Variants in NOL8 observed in about 807,000 individuals in gnomAD.
NOL8 encodes nucleolar protein 8, also known as nucleolar protein Nop132.
Under a neutral mutation model 116.1 loss-of-function variants are expected in NOL8, and 93 were observed. That is an observed-to-expected ratio of 0.80 (90% CI 0.68 to 0.95). The LOEUF (loss-of-function observed/expected upper bound fraction) is 0.95, where lower values mean the gene tolerates loss of function less well. NOL8 is among the 40% of genes least tolerant of loss of function. NOL8 has a pLI of 0.00. For synonymous variants in NOL8, 419 were observed against 469.0 expected (o/e 0.89, Z 1.38); for missense variants, 1,291 against 1,382.8 (o/e 0.93, Z 1.05).
At chr9:92,317,020 G>A (rs887367829) in intron 6 of NOL8, among the ~76,000 whole-genome samples, 4 of 152,134 alleles carry the variant, frequency 2.6e-5, no homozygotes, top group Non-Finnish European at 4.4e-5. Flanking sequence ...CGGCATGATC[G>A]TGGCTCAATA....
chr9:92,305,868 A>G, intron 11 of NOL8, 38 bp from the exon 12 acceptor site: 3 of 1,377,860 alleles, frequency 2.2e-6, no homozygotes, highest in Non-Finnish European at 3.1e-6. Flanking sequence ...AAGAGATAAA[A>G]ACAGAACACT....
At position 92,315,051 on chromosome 9, in the gene NOL8, C is replaced by G. The variant is rs535612292; in HGVS notation, c.1574G>C (p.Ser525Thr). 8 of 1,614,030 alleles carry G rather than the reference C, an allele frequency of 5.0e-6. No individual in the cohort carries two copies. The East Asian group carries it at 1.6e-4, about 31-fold the overall frequency. Residue 525 changes from serine to threonine, a missense_variant, in exon 7 of 17, where the codon AGC becomes ACC. Coordinates refer to ENST00000442668, the MANE Select transcript of NOL8 (RefSeq NM_017948.6). ...GCGGAGGCCAGTGGGAGTCTTGGGG[C>G]TCTTGGAGCCTCTGTCAAACTTGCA... ...TQCKFDRGSKSPKTPTGLRRG... is the reference protein window; with the variant it reads ...TQCKFDRGSKTPKTPTGLRRG...
chr9:92,310,522 G>T (rs369823649), intron 9 of NOL8, 31 bp downstream of exon 9: 2 of 1,573,740 alleles, frequency 1.3e-6, no homozygotes, highest in Non-Finnish European at 1.7e-6. Flanking sequence ...AGGACATGCT[G>T]CAAGTCTAAT....
chr9:92,297,866 T>C lies in NOL8; in HGVS notation c.3474A>G (p.Lys1158=). 1.3e-6 allele frequency: 2 copies of C among 1,547,916 alleles called. No homozygotes were observed. The highest frequency in any genetic ancestry group is 1.7e-6 in the Non-Finnish European group (2 of 1,145,732). ...NLRMDCRKKH[K]DAKRKMKPK ...TTGGTTTCATTTTCCTTTTTGCGTCTTTATGTTTCTTTCGACAATCCTAGG... is the reference window on the plus strand; with the variant it reads ...TTGGTTTCATTTTCCTTTTTGCGTCCTTATGTTTCTTTCGACAATCCTAGG... The change falls in exon 17 of 17, where the codon AAA becomes AAG. Residue 1158 remains lysine (K), a synonymous_variant. Transcript: ENST00000442668.
At chr9:92,324,421 A>T (rs1840256497) in intron 1 of NOL8, 2 of 393,030 alleles carry the variant, frequency 5.1e-6, no homozygotes, top group African/African-American at 4.0e-5. Context: ...ATACCCATAT[A>T]GACACAGGTA....
chr9:92,315,651 G>A lies in NOL8; in HGVS notation c.974C>T (p.Ser325Leu). Residue 325 changes from serine to leucine, a missense_variant, in exon 7 of 17, where the codon TCA becomes TTA. By Grantham distance (145) the Ser-to-Leu change is moderately radical. Coordinates refer to ENST00000442668, the MANE Select transcript of NOL8 (RefSeq NM_017948.6). ...AGGATCACTTTCAGATTCATTTATTGAGGGTTGTGTAGTTCTCTGTAAGTT... is the reference window on the plus strand; with the variant it reads ...AGGATCACTTTCAGATTCATTTATTAAGGGTTGTGTAGTTCTCTGTAAGTT... ...EENLQRTTQPSINESESDPFE... is the reference protein window; with the variant it reads ...EENLQRTTQPLINESESDPFE... 1 of 1,612,986 alleles carries A rather than the reference G, an allele frequency of 6.2e-7. No individual in the cohort carries two copies. Among genetic ancestry groups the A allele is most frequent in the Non-Finnish European group, 8.5e-7 (1 of 1,179,430 alleles).
At position 92,321,584 on chromosome 9, in the gene NOL8, A is replaced by G. The variant is rs912042471; in HGVS notation, c.281+84T>C. The G allele has an allele frequency of 5.2e-6, 4 of 763,326 alleles. No individual in the cohort carries two copies. The African/African-American group carries it at 7.2e-5, about 14-fold the overall frequency. The allele number at this position is 763,326 out of a possible 1,614,324, so 47.3% of individuals were successfully genotyped here. On this transcript the variant is annotated intron_variant, in intron 4 of 16. Transcript: ENST00000442668. ...GAATTTGTTAAGAATATAATACTAT[A>G]TTACTTGATAATTTGAAATAATATA...
chr9:92,320,717 C>G (rs1184892819), intron 4 of NOL8, among the ~76,000 whole-genome samples: 1 of 152,054 alleles, frequency 6.6e-6, no homozygotes, highest in Non-Finnish European at 1.5e-5. Context: ...AGTGATTCTC[C>G]TGCCTCAGCC....
At chr9:92,306,675 A>G (rs934775250) in intron 11 of NOL8, among the ~76,000 whole-genome samples, 3 of 152,234 alleles carry the variant, frequency 2.0e-5, no homozygotes, top group Admixed American at 6.5e-5. Flanking sequence ...CGATGCTGCT[A>G]TGACATCTAA....
Position 92,297,972 on chromosome 9 carries a change from T to G in NOL8, c.3454-86A>C, listed in dbSNP as rs988684920. ...TAGAAGTAAAACAGGTTATTCTCAC[T>G]GTCAGGGCTGTGGAAACCTATTTTG... is the stretch of plus-strand genomic sequence containing the variant. On this transcript the variant is annotated intron_variant, in intron 16 of 16. Transcript: ENST00000442668. 4.3e-6 allele frequency: 5 copies of G among 1,157,358 alleles called. No individual in the cohort carries two copies. In the African/African-American group the frequency reaches 7.9e-5, roughly 18 times the overall value. 71.7% of individuals were successfully genotyped at this position (1,157,358 alleles called of 1,614,324 possible). A position where few individuals can be genotyped will look rare whatever the true frequency, so the allele number is the denominator to read the frequency against.
At chr9:92,307,491 C>G (rs561452552) in intron 10 of NOL8, among the ~76,000 whole-genome samples, 8 of 152,138 alleles carry the variant, frequency 5.3e-5, no homozygotes, top group African/African-American at 1.7e-4. Context: ...GATTCAATAA[C>G]AAGTATTATG....
intron 4 of NOL8, chr9:92,320,118 TC>T: frequency 2.2e-6 from 1 of 456,114 alleles, no homozygotes; most frequent in Non-Finnish European, 4.4e-6. Context: ...ATTTGTTAGG[TC>T]TTGATTATCC....
chr9:92,320,476 C>T (rs778540279), intron 4 of NOL8: 4 of 204,286 alleles, frequency 2.0e-5, no homozygotes, highest in Admixed American at 5.3e-5. Flanking sequence ...AGGCCAGTCC[C>T]CCAAAACATG....
chr9:92,301,587 A>G lies in NOL8; in HGVS notation c.3139T>C (p.Ser1047Pro). The G allele has an allele frequency of 6.2e-7, 1 of 1,604,014 alleles. No homozygotes were observed. The highest frequency in any genetic ancestry group is 8.5e-7 in the Non-Finnish European group (1 of 1,176,096). ...DAEQPSGFTFSFFDSDTKDIK... is the reference protein window; with the variant it reads ...DAEQPSGFTFPFFDSDTKDIK... ...TCTTTAGTGTCTGAATCAAAAAAAG[A>G]GAACGTGAACCCGCTGGGCTGCTCA... Residue 1047 changes from serine (S) to proline (P), a missense_variant, in exon 13 of 17, where the codon TCT (serine) becomes CCT (proline). By Grantham distance (74) the Ser-to-Pro change is moderately conservative. Transcript: ENST00000442668.
At chr9:92,299,449 A>G (rs1268334984) in intron 14 of NOL8, among the ~76,000 whole-genome samples, 5 of 152,112 alleles carry the variant, frequency 3.3e-5, no homozygotes, top group African/African-American at 7.2e-5. Context: ...GCTAGAGAAC[A>G]CTCTAAAGAA....
chr9:92,304,663 T>C (rs566607759), intron 12 of NOL8, among the ~76,000 whole-genome samples: 1 of 152,212 alleles, frequency 6.6e-6, no homozygotes, highest in Non-Finnish European at 1.5e-5. Context: ...AAGAATAATT[T>C]TGGAACAATT....
intron 7 of NOL8, 113 bp downstream of exon 7, chr9:92,314,154 A>C: frequency 7.4e-7 from 1 of 1,358,716 alleles, no homozygotes; most frequent in Non-Finnish European, 9.5e-7. Flanking sequence ...CCAAAACATG[A>C]AACTGGTGAA....
intron 9 of NOL8, 79 bp from the exon 10 acceptor site, chr9:92,310,340 C>A: frequency 7.8e-7 from 1 of 1,277,598 alleles, no homozygotes. Context: ...CAATGTACAC[C>A]TCCCCACACA....
chr9:92,299,548 CGAAACCAGCCTGGCCAACATGGT>C (rs1837537461), intron 14 of NOL8, among the ~76,000 whole-genome samples: 1 of 152,050 alleles, frequency 6.6e-6, no homozygotes, highest in Non-Finnish European at 1.5e-5. Flanking sequence ...GTCAGGAGTT[CGAAACCAGCCTGGCCAACATGGT>C]GAAACCTCGC....
Sources: allele counts gnomAD v4.1 joint callset (sites outside exome capture counted in the v4.1 genomes callset), GRCh38; gene constraint gnomAD v4.1.1; transcripts MANE v1.5; gene names NCBI Gene and HGNC (gene_info 2026-07-23, HGNC 2026-07-21).